Variants in GORASP2 observed in about 807,000 individuals in gnomAD.
GORASP2 encodes Golgi reassembly-stacking protein 2.
In GORASP2, 22 loss-of-function variants were observed where a neutral mutation model predicts 45.7. The observed-to-expected ratio is 0.48, with a 90% confidence interval of 0.34 to 0.69. The LOEUF (loss-of-function observed/expected upper bound fraction) is 0.69, where lower values mean the gene tolerates loss of function less well. GORASP2 is among the 30% of genes least tolerant of loss of function. The pLI is 0.01. For missense variants in GORASP2, 491 were observed against 562.7 expected, an observed-to-expected ratio of 0.87 and a Z score of 1.29; for synonymous variants, 221 against 215.6, an observed-to-expected ratio of 1.02 and a Z score of -0.22.
At chr2:170,954,519 CAA>C in intron 5 of GORASP2, 129 bp from the exon 6 acceptor site, 1 of 644,078 alleles carries the variant, frequency 1.6e-6, no homozygotes, top group Non-Finnish European at 2.7e-6. Flanking sequence ...TTTAAAATCT[CAA>C]AGAAGGGAGT....
intron 7 of GORASP2, among the ~76,000 whole-genome samples, chr2:170,956,862 C>G (rs550829295): frequency 6.6e-6 from 1 of 151,664 alleles, no homozygotes; most frequent in Admixed American, 6.6e-5. Context: ...AGCAGTGAGC[C>G]GTGATTGTGC....
At chr2:170,955,539 G>C (rs971904504) in intron 6 of GORASP2, among the ~76,000 whole-genome samples, 1 of 152,230 alleles carries the variant, frequency 6.6e-6, no homozygotes, top group Admixed American at 6.5e-5. Context: ...TACCCAAAAA[G>C]AAAATGCTGC....
intron 1 of GORASP2, among the ~76,000 whole-genome samples, chr2:170,940,593 T>C (rs902947015): frequency 3.9e-5 from 6 of 151,936 alleles, no homozygotes; most frequent in African/African-American, 1.4e-4. Context: ...GGTAAAACTT[T>C]TAATGATACG....
intron 1 of GORASP2, among the ~76,000 whole-genome samples, chr2:170,934,818 A>G (rs535975034): frequency 6.7e-6 from 1 of 150,134 alleles, no homozygotes; most frequent in African/African-American, 2.5e-5. Context: ...GCTCACTGCA[A>G]CCTCCGCCTC....
intron 7 of GORASP2, among the ~76,000 whole-genome samples, chr2:170,958,792 A>G (rs1704486864): frequency 6.6e-6 from 1 of 151,656 alleles, no homozygotes; most frequent in Non-Finnish European, 1.5e-5. Flanking sequence ...AGCCTAACCA[A>G]GTAGCTGTGA....
intron 7 of GORASP2, among the ~76,000 whole-genome samples, chr2:170,957,485 A>G (rs1365246944): frequency 6.6e-6 from 1 of 152,178 alleles, no homozygotes; most frequent in African/African-American, 2.4e-5. Flanking sequence ...CATGTTGGCC[A>G]GGCTGGTCTT....
At chr2:170,943,194 C>A (rs1704115002) in intron 1 of GORASP2, among the ~76,000 whole-genome samples, 1 of 150,422 alleles carries the variant, frequency 6.6e-6, no homozygotes, top group Non-Finnish European at 1.5e-5. Flanking sequence ...TTACCCTTGA[C>A]CTTTTAGAGC....
intron 1 of GORASP2, among the ~76,000 whole-genome samples, chr2:170,936,936 C>T (rs1481042373): frequency 2.6e-5 from 4 of 152,044 alleles, no homozygotes; most frequent in Non-Finnish European, 4.4e-5. Flanking sequence ...AGGCTAGGTG[C>T]GGTGGCTCAC....
At chr2:170,950,168 A>C (rs768807831) in intron 3 of GORASP2, 36 bp from the exon 4 acceptor site, 2 of 962,800 alleles carry the variant, frequency 2.1e-6, no homozygotes, top group South Asian at 1.5e-5. Flanking sequence ...TATTTTATAT[A>C]TATTAATTTT....
chr2:170,966,088 T>C lies in GORASP2; in HGVS notation c.1317T>C (p.Pro439=), dbSNP rs757341970. 1.2e-6 allele frequency: 2 copies of C among 1,614,078 alleles called. No homozygotes were observed. Among genetic ancestry groups the C allele is most frequent in the Admixed American group, 3.3e-5 (2 of 60,026 alleles). ...ACTCCACCCCAGTCAGCGAGAAGCC[T>C]GTTTCTGCGGCTGTGGATGCCAATG... ...VGDSTPVSEK[P]VSAAVDANAS... The change falls in exon 10 of 10, where the codon CCT becomes CCC. Residue 439 remains proline (P), a synonymous_variant. Coordinates refer to ENST00000234160, the MANE Select transcript of GORASP2 (RefSeq NM_015530.5).
In GORASP2 at chr2:170,965,886, C is replaced by T; in HGVS notation, c.1115C>T (p.Pro372Leu). 1 of 1,614,004 alleles carries T rather than the reference C, an allele frequency of 6.2e-7. No homozygotes were observed. Among genetic ancestry groups the T allele is most frequent in the Non-Finnish European group, 8.5e-7 (1 of 1,179,980 alleles). The change falls in exon 10 of 10, where the codon CCA becomes CTA. Residue 372 changes from proline (P) to leucine (L), a missense_variant. Around this residue, in one of 2 missense-constraint regions of GORASP2, gnomAD observed 297 missense variants for 292.3 expected, o/e 1.02. Coordinates refer to ENST00000234160, the MANE Select transcript of GORASP2 (RefSeq NM_015530.5). ...SEFLPSFPLV[P>L]ESSSAASSGE... Reference sequence around the variant, plus strand: ...TTCCTCCCGTCATTCCCCTTGGTTCCAGAGAGCTCTTCTGCAGCAAGCTCA... The same window carrying T: ...TTCCTCCCGTCATTCCCCTTGGTTCTAGAGAGCTCTTCTGCAGCAAGCTCA...
In GORASP2 at chr2:170,956,929, T is replaced by C. The variant is rs548496114; in HGVS notation, c.823+370T>C. ...AAATTTAAAGAATTTTAAAAAATTA[T>C]TTTAAAAAAATTTTTAAAAAAGAAT... On this transcript the variant is annotated intron_variant, in intron 7 of 9. Coordinates refer to ENST00000234160, the MANE Select transcript of GORASP2 (RefSeq NM_015530.5). Among the ~76,000 whole-genome samples the C allele has an allele frequency of 6.6e-5, 10 of 152,232 alleles. No individual in the cohort carries two copies. The East Asian group carries it at 1.9e-3, about 29-fold the overall frequency.
intron 1 of GORASP2, chr2:170,936,676 G>T (rs1018378132): frequency 9.3e-6 from 12 of 1,289,692 alleles, no homozygotes; most frequent in Non-Finnish European, 1.2e-5. Context: ...AGCTTAAGCC[G>T]GGCATAATGG....
intron 1 of GORASP2, among the ~76,000 whole-genome samples, chr2:170,947,023 A>AT (rs1451854225): frequency 2.8e-4 from 43 of 151,990 alleles, no homozygotes; most frequent in Non-Finnish European, 4.4e-5. Flanking sequence ...AGACATGGTA[A>AT]TTTTTTTTAA....
chr2:170,948,075 G>C (rs562923939), intron 1 of GORASP2, among the ~76,000 whole-genome samples: 9 of 152,314 alleles, frequency 5.9e-5, no homozygotes, highest in African/African-American at 2.2e-4. Context: ...AGTGAACCGA[G>C]ATTGTGCCAC....
rs1704270356 is a variant in GORASP2, at chr2:170,950,261, A to G, written c.406A>G (p.Ile136Val). ...LAGLRPHSDY[I>V]IGADTVMNES... ...AGGTCTTAGACCACACAGTGATTAT[A>G]TAATTGGAGCAGATACAGTCATGAA... is the stretch of plus-strand genomic sequence containing the variant. The change falls in exon 4 of 10, where the codon ATA becomes GTA. Residue 136 changes from isoleucine to valine, a missense_variant. Transcript: ENST00000234160. The G allele has an allele frequency of 6.4e-7, 1 of 1,572,392 alleles. No homozygotes were observed. The highest frequency in any genetic ancestry group is 8.7e-7 in the Non-Finnish European group (1 of 1,152,780).
chr2:170,962,797 G>A (rs746128696), intron 8 of GORASP2, 42 bp from the exon 9 acceptor site: 16 of 1,298,634 alleles, frequency 1.2e-5, no homozygotes, highest in Admixed American at 1.7e-5. Context: ...TCTTCCCCAG[G>A]TCAAGTGATT....
intron 5 of GORASP2, among the ~76,000 whole-genome samples, chr2:170,952,364 A>G (rs1237894923): frequency 6.6e-6 from 1 of 152,206 alleles, no homozygotes; most frequent in Non-Finnish European, 1.5e-5. Flanking sequence ...TGGCCATTGC[A>G]TTAGCTAGGC....
intron 7 of GORASP2, among the ~76,000 whole-genome samples, chr2:170,961,415 C>T (rs1439741131): frequency 6.6e-6 from 1 of 152,130 alleles, no homozygotes; most frequent in Non-Finnish European, 1.5e-5. Flanking sequence ...GTGAGCTGGG[C>T]TGGGGTGGGA....
Sources: gnomAD v4.1 joint callset for allele counts (sites outside exome capture counted in the v4.1 genomes callset) on GRCh38, gnomAD v4.1.1 for gene constraint, gnomAD v4.1.1 regional missense constraint, MANE v1.5 for transcripts, NCBI Gene and HGNC (gene_info 2026-07-23, HGNC 2026-07-21) for gene names.